MEIS1: variants seen among roughly 807,000 people sequenced by gnomAD.
The protein encoded by MEIS1 is Meis homeobox 1.
MEIS1 carries 5 observed loss-of-function variants against 50.8 expected under a neutral mutation model. That is an observed-to-expected ratio of 0.10 (90% CI 0.05 to 0.21). MEIS1 has a LOEUF of 0.21. Ranked by LOEUF, MEIS1 falls within the 10% of genes least tolerant of loss-of-function variation. The pLI, the probability that MEIS1 is intolerant of heterozygous loss-of-function variation, is 1.00. For missense variants in MEIS1, 318 were observed against 517.3 expected (o/e 0.61, Z 3.74); for synonymous variants, 176 against 179.3 (o/e 0.98, Z 0.15).
chr2:66,463,907 T>A (rs1672577607), intron 6 of MEIS1, among the ~76,000 whole-genome samples: 1 of 152,218 alleles, frequency 6.6e-6, no homozygotes, highest in Admixed American at 6.5e-5. Context: ...TTTGTAGATA[T>A]TATTTTAGCT....
At chr2:66,522,817 A>G (rs1056938014) in intron 8 of MEIS1, among the ~76,000 whole-genome samples, 1 of 152,186 alleles carries the variant, frequency 6.6e-6, no homozygotes, top group Non-Finnish European at 1.5e-5. Context: ...TTATTTGTAA[A>G]CAGAATATTT....
chr2:66,460,926 C>T (rs571832332), intron 6 of MEIS1, among the ~76,000 whole-genome samples: 1 of 152,278 alleles, frequency 6.6e-6, no homozygotes, highest in East Asian at 1.9e-4. Context: ...ATTATTCCAA[C>T]AAGACCACCC....
At chr2:66,522,801 C>T (rs1477125038) in intron 8 of MEIS1, among the ~76,000 whole-genome samples, 1 of 152,150 alleles carries the variant, frequency 6.6e-6, no homozygotes, top group Admixed American at 6.5e-5. Context: ...CTCAAAGCTT[C>T]TTCATTTATT....
chr2:66,481,214 T>C (rs1201131020), intron 7 of MEIS1, among the ~76,000 whole-genome samples: 23 of 152,192 alleles, frequency 1.5e-4, no homozygotes, highest in Admixed American at 1.5e-3. Flanking sequence ...TTCCTACTAC[T>C]CACTGAAGGA....
At chr2:66,495,232 T>A (rs145031104) in intron 7 of MEIS1, among the ~76,000 whole-genome samples, 22 of 152,252 alleles carry the variant, frequency 1.4e-4, no homozygotes, top group African/African-American at 5.1e-4. Context: ...TTTAGGCTTT[T>A]CTGCTGGAGA....
chr2:66,550,784 T>G (rs1455158387), intron 9 of MEIS1, among the ~76,000 whole-genome samples: 1 of 152,078 alleles, frequency 6.6e-6, no homozygotes, highest in African/African-American at 2.4e-5. Context: ...AGGCGTGAGC[T>G]ACTGCACCCA....
chr2:66,494,542 C>T (rs1172879881), intron 7 of MEIS1, among the ~76,000 whole-genome samples: 1 of 152,118 alleles, frequency 6.6e-6, no homozygotes, highest in Non-Finnish European at 1.5e-5. Context: ...GCTCAAAGAG[C>T]TTATAGTCTG....
intron 7 of MEIS1, among the ~76,000 whole-genome samples, chr2:66,481,629 A>C (rs1327692373): frequency 6.6e-6 from 1 of 152,126 alleles, no homozygotes; most frequent in East Asian, 1.9e-4. Flanking sequence ...GCATCTCTTT[A>C]TTCTCATGAG....
intron 9 of MEIS1, among the ~76,000 whole-genome samples, chr2:66,556,467 T>G (rs905501577): frequency 1.3e-5 from 2 of 149,504 alleles, no homozygotes; most frequent in Non-Finnish European, 3.0e-5. Context: ...TTTGGTGAGA[T>G]CTGGCTTAAT....
chr2:66,446,194 C>T (rs1307694648), intron 6 of MEIS1, among the ~76,000 whole-genome samples: 2 of 152,216 alleles, frequency 1.3e-5, no homozygotes, highest in East Asian at 1.9e-4. Context: ...CGGGTTCGAC[C>T]GGAAGCGGGG....
chr2:66,474,904 T>TA, intron 7 of MEIS1, among the ~76,000 whole-genome samples: 1 of 152,080 alleles, frequency 6.6e-6, no homozygotes. Flanking sequence ...CTTACATTTT[T>TA]AAAAAATGTA....
At chr2:66,467,772 TCTA>T (rs963894052) in intron 7 of MEIS1, among the ~76,000 whole-genome samples, 3 of 152,186 alleles carry the variant, frequency 2.0e-5, no homozygotes, top group African/African-American at 7.2e-5. Context: ...TTTTATGATA[TCTA>T]CTTCCATTCA....
At chr2:66,464,796 T>C (rs1330628453) in intron 7 of MEIS1, among the ~76,000 whole-genome samples, 1 of 152,238 alleles carries the variant, frequency 6.6e-6, no homozygotes, top group Non-Finnish European at 1.5e-5. Context: ...TGTGTTGTCC[T>C]GTGAATGCAC....
chr2:66,467,723 A>G (rs1289219159), intron 7 of MEIS1, among the ~76,000 whole-genome samples: 5 of 152,174 alleles, frequency 3.3e-5, no homozygotes, highest in Admixed American at 6.5e-5. Context: ...TACACAATAT[A>G]TCTTTCCCTC....
chr2:66,569,816 T>A (rs1675440099), intron 12 of MEIS1: 1 of 152,662 alleles, frequency 6.6e-6, no homozygotes, highest in Non-Finnish European at 1.5e-5. Flanking sequence ...TCACTTGCAG[T>A]GTGACAAATG....
At chr2:66,451,507 T>C (rs897329847) in intron 6 of MEIS1, among the ~76,000 whole-genome samples, 1 of 152,108 alleles carries the variant, frequency 6.6e-6, no homozygotes, top group South Asian at 2.1e-4. Flanking sequence ...ATTTCTCTTC[T>C]TTTAAAAATA....
In MEIS1 at chr2:66,439,905, C is replaced by T. The variant is rs959662082; in HGVS notation, c.302C>T (p.Pro101Leu). 1.2e-6 allele frequency: 2 copies of T among 1,613,832 alleles called. No individual in the cohort carries two copies. The highest frequency in any genetic ancestry group is 1.7e-6 in the Non-Finnish European group (2 of 1,179,838). ...AAATGTGAATTAGCTACTTGTACCC[C>T]CCGCGAGCCGGGGGTGGCGGGCGGG... is the stretch of plus-strand genomic sequence containing the variant. ...FEKCELATCT[P>L]REPGVAGGDV... The change falls in exon 3 of 13, where the codon CCC becomes CTC. Residue 101 changes from proline to leucine, a missense_variant. Coordinates refer to ENST00000272369, the MANE Select transcript of MEIS1 (RefSeq NM_002398.3).
At chr2:66,505,726 A>C (rs933386242) in intron 7 of MEIS1, among the ~76,000 whole-genome samples, 2 of 152,248 alleles carry the variant, frequency 1.3e-5, no homozygotes, top group Non-Finnish European at 2.9e-5. Flanking sequence ...AAGAAATTTT[A>C]GTTAAGTAAA....
At chr2:66,518,023 A>G (rs1051651657) in intron 8 of MEIS1, among the ~76,000 whole-genome samples, 1 of 152,172 alleles carries the variant, frequency 6.6e-6, no homozygotes, top group African/African-American at 2.4e-5. Context: ...CCCAGAGGCC[A>G]TTAGTGACCT....
Sources: allele counts gnomAD v4.1 joint callset (sites outside exome capture counted in the v4.1 genomes callset), GRCh38; gene constraint gnomAD v4.1.1; transcripts MANE v1.5; gene names NCBI Gene and HGNC (gene_info 2026-07-23, HGNC 2026-07-21).